The following RALYL variants were observed in gnomAD, a reference collection of about 807,000 sequenced individuals.
RALYL encodes the protein RALY RNA binding protein like.
In RALYL, 29 loss-of-function variants were observed where a neutral mutation model predicts 35.1. The ratio of observed to expected loss-of-function variants is 0.83; its 90% CI spans 0.61 to 1.13. The LOEUF (loss-of-function observed/expected upper bound fraction) is 1.13, where lower values mean the gene tolerates loss of function less well. RALYL is among the 50% of genes most tolerant of loss of function. RALYL has a pLI of 0.00. For missense variants in RALYL, 359 were observed against 360.4 expected, an observed-to-expected ratio of 1.00 and a Z score of 0.03; for synonymous variants, 120 against 127.6, an observed-to-expected ratio of 0.94 and a Z score of 0.40.
intron 2 of RALYL, among the ~76,000 whole-genome samples, chr8:84,693,926 TA>T (rs370567706): frequency 7.1e-4 from 108 of 151,606 alleles, no homozygotes; most frequent in African/African-American, 2.5e-3. Context: ...CTTTCATGAT[TA>T]AAAAAAAGCT....
intron 2 of RALYL, among the ~76,000 whole-genome samples, chr8:84,540,380 T>C (rs2059940495): frequency 1.3e-5 from 2 of 151,898 alleles, no homozygotes; most frequent in South Asian, 4.2e-4. Flanking sequence ...TATCTTCTAT[T>C]TCTAGTTGGC....
chr8:84,609,512 A>G (rs1403537573), intron 2 of RALYL, among the ~76,000 whole-genome samples: 3 of 152,186 alleles, frequency 2.0e-5, no homozygotes, highest in Non-Finnish European at 1.5e-5. Flanking sequence ...CATTAAAAGT[A>G]TTCATTAGAA....
At chr8:84,829,457 A>T in intron 4 of RALYL, 1 of 158,930 alleles carries the variant, frequency 6.3e-6, no homozygotes, top group Non-Finnish European at 1.4e-5. Context: ...CTTGGGTCAA[A>T]CAGGAGTTTC....
intron 4 of RALYL, among the ~76,000 whole-genome samples, chr8:84,826,285 T>A (rs940052004): frequency 8.5e-6 from 1 of 117,046 alleles, no homozygotes; most frequent in Non-Finnish European, 1.7e-5. Context: ...ATGTATCCCC[T>A]GAATCTGAAA....
intron 1 of RALYL, among the ~76,000 whole-genome samples, chr8:84,255,231 T>C (rs1830995184): frequency 6.6e-6 from 1 of 152,124 alleles, no homozygotes; most frequent in South Asian, 2.1e-4. Context: ...AAAATTTAGA[T>C]ATAGACTCTG....
intron 2 of RALYL, among the ~76,000 whole-genome samples, chr8:84,575,840 A>G (rs1385049057): frequency 2.0e-5 from 3 of 152,054 alleles, no homozygotes; most frequent in Admixed American, 2.0e-4. Context: ...AGAAAAGAGA[A>G]TATTGACTGG....
chr8:84,480,878 T>C (rs1354606662), intron 1 of RALYL, among the ~76,000 whole-genome samples: 1 of 151,996 alleles, frequency 6.6e-6, no homozygotes, highest in East Asian at 1.9e-4. Context: ...GATGACCTTA[T>C]AAAGTAAGGA....
intron 1 of RALYL, among the ~76,000 whole-genome samples, chr8:84,446,809 C>A (rs2133092558): frequency 6.6e-6 from 1 of 152,154 alleles, no homozygotes; most frequent in African/African-American, 2.4e-5. Context: ...CCATTCCCCA[C>A]TTATTAATTA....
At chr8:84,896,752 T>G (rs1361652388) in intron 8 of RALYL, among the ~76,000 whole-genome samples, 2 of 152,184 alleles carry the variant, frequency 1.3e-5, no homozygotes, top group African/African-American at 2.4e-5. Flanking sequence ...TACTAAATGT[T>G]TGAAGTTTAT....
chr8:84,520,836 C>T (rs936499274), intron 1 of RALYL, among the ~76,000 whole-genome samples: 2 of 152,198 alleles, frequency 1.3e-5, no homozygotes, highest in Non-Finnish European at 2.9e-5. Flanking sequence ...GTCCCACCAC[C>T]TGCATCCTAT....
chr8:84,540,467 T>C (rs540104064), intron 2 of RALYL, among the ~76,000 whole-genome samples: 10 of 152,142 alleles, frequency 6.6e-5, no homozygotes, highest in African/African-American at 2.4e-4. Context: ...ATTTTTATTT[T>C]CCCTTTTATT....
In RALYL at chr8:84,221,291, G is replaced by GAA. The variant is rs1563556296; in HGVS notation, c.-24+36867_-24+36868insAA. ...TTATAAGAAAATGGAAAGCGGGTGT[G>GAA]TGTGTGTGTGTGCATGTGCGTGCAA... is the stretch of plus-strand genomic sequence containing the variant. On this transcript the variant is annotated intron_variant, in intron 1 of 8. Coordinates refer to ENST00000521268, the MANE Select transcript of RALYL (RefSeq NM_173848.7). Among the ~76,000 whole-genome samples, 38 of 152,010 alleles carry GAA rather than the reference G, an allele frequency of 2.5e-4. No individual in the cohort carries two copies. The East Asian group carries it at 6.7e-3, about 27-fold the overall frequency.
chr8:84,805,618 A>G (rs903008294), intron 4 of RALYL, among the ~76,000 whole-genome samples: 2 of 152,134 alleles, frequency 1.3e-5, no homozygotes, highest in Non-Finnish European at 2.9e-5. Flanking sequence ...TGGGAGGCAG[A>G]AGTTGCAGTG....
At chr8:84,404,511 G>A (rs959538076) in intron 1 of RALYL, among the ~76,000 whole-genome samples, 1 of 152,164 alleles carries the variant, frequency 6.6e-6, no homozygotes, top group African/African-American at 2.4e-5. Flanking sequence ...TTGCATCCCA[G>A]GGATGAAGCC....
chr8:84,524,493 A>G (rs1180349288), intron 1 of RALYL, among the ~76,000 whole-genome samples: 1 of 152,140 alleles, frequency 6.6e-6, no homozygotes, highest in African/African-American at 2.4e-5. Flanking sequence ...ACACTTTTAC[A>G]CTGTTTTTTA....
At chr8:84,274,051 T>C (rs1031880288) in intron 1 of RALYL, among the ~76,000 whole-genome samples, 1 of 152,178 alleles carries the variant, frequency 6.6e-6, no homozygotes, top group Non-Finnish European at 1.5e-5. Context: ...AAAAAACACA[T>C]TTTTTTCATT....
At chr8:84,916,522 TA>T (rs1007766851) in intron 8 of RALYL, among the ~76,000 whole-genome samples, 54 of 151,966 alleles carry the variant, frequency 3.6e-4, no homozygotes, top group African/African-American at 1.2e-3. Context: ...GATGGTGCTA[TA>T]GGGGGGAGTT....
chr8:84,292,752 A>G (rs1839004172), intron 1 of RALYL, among the ~76,000 whole-genome samples: 1 of 152,210 alleles, frequency 6.6e-6, no homozygotes, highest in South Asian at 2.1e-4. Context: ...AAGGGGAGAC[A>G]TGAATAATCC....
chr8:84,267,641 A>G (rs2131892332), intron 1 of RALYL, among the ~76,000 whole-genome samples: 1 of 152,258 alleles, frequency 6.6e-6, no homozygotes, highest in East Asian at 1.9e-4. Flanking sequence ...ACCATTTAAA[A>G]CTATCTGCTA....
Sources: gnomAD v4.1 joint callset for allele counts (sites outside exome capture counted in the v4.1 genomes callset) on GRCh38, gnomAD v4.1.1 for gene constraint, MANE v1.5 for transcripts, NCBI Gene and HGNC (gene_info 2026-07-23, HGNC 2026-07-21) for gene names.